The following KDM3A variants were observed in gnomAD, a reference collection of about 807,000 sequenced individuals.
The protein encoded by KDM3A is lysine-specific demethylase 3A.
In KDM3A, 60 loss-of-function variants were observed where a neutral mutation model predicts 158.0. That is an observed-to-expected ratio of 0.38 (90% CI 0.31 to 0.47). The LOEUF is 0.47. KDM3A is among the 20% of genes least tolerant of loss of function. The pLI is 0.99. For synonymous variants in KDM3A, 608 were observed against 549.3 expected, an observed-to-expected ratio of 1.11 and a Z score of -1.49; for missense variants, 1,319 against 1,574.3, an observed-to-expected ratio of 0.84 and a Z score of 2.74.
intron 5 of KDM3A, among the ~76,000 whole-genome samples, chr2:86,455,969 AAAAAG>A (rs1271402134): frequency 5.1e-4 from 77 of 151,560 alleles, no homozygotes; most frequent in African/African-American, 1.7e-3. Flanking sequence ...AAAAAAAAAA[AAAAAG>A]AAAAGAAAAA....
In KDM3A at chr2:86,489,510, C is replaced by T. The variant is rs750901859; in HGVS notation, c.3434-10C>T. 4 of 1,611,338 alleles carry T rather than the reference C, an allele frequency of 2.5e-6. No individual in the cohort carries two copies. The highest frequency in any genetic ancestry group is 1.1e-5 in the South Asian group (1 of 90,850). On this transcript the variant is annotated splice_polypyrimidine_tract_variant and intron_variant, in intron 22 of 25. Transcript: ENST00000312912. ...TGTGGTCTGATATCTGCTTTCTCTT[C>T]TTGCTCTAGAAGTCCTTAAGACCAT...
intron 5 of KDM3A, 135 bp downstream of exon 5, chr2:86,455,322 T>C (rs1672644625): frequency 6.9e-6 from 4 of 581,266 alleles, no homozygotes; most frequent in Non-Finnish European, 1.2e-5. Flanking sequence ...GACAGTCTAG[T>C]TCCTAGGCTG....
At position 86,474,701 on chromosome 2, in the gene KDM3A, T is replaced by G. The variant is rs187269058; in HGVS notation, c.1725-75T>G. On this transcript the variant is annotated intron_variant, in intron 11 of 25. Transcript: ENST00000312912. The stretch of plus-strand genomic sequence containing the variant: ...AAAGTAATTACAAGTTGTAAATAAG[T>G]TGTGTGTGTGTGTGTGTGTGTGTGT... 1.2e-4 allele frequency: 50 copies of G among 429,130 alleles called. No individual in the cohort carries two copies. In the East Asian group the frequency reaches 1.4e-3, roughly 12 times the overall value. 26.6% of individuals were successfully genotyped at this position (429,130 alleles called of 1,614,324 possible).
chr2:86,444,555 A>C (rs1362597809), intron 2 of KDM3A, among the ~76,000 whole-genome samples: 1 of 151,766 alleles, frequency 6.6e-6, no homozygotes, highest in Non-Finnish European at 1.5e-5. Context: ...CCTGGGCTCA[A>C]AACACCAAAA....
Position 86,442,185 on chromosome 2 carries a change from G to C in KDM3A, c.138G>C (p.Gly46=), listed in dbSNP as rs201831015. The C allele has an allele frequency of 3.7e-6, 6 of 1,613,812 alleles. No homozygotes were observed. The highest frequency in any genetic ancestry group is 5.1e-6 in the Non-Finnish European group (6 of 1,179,874). Residue 46 remains glycine, a synonymous_variant, in exon 2 of 26, where the codon GGG becomes GGC. Transcript: ENST00000312912. ...TCGCCGAGTGGCCCTGGCTCTCCGG[G>C]ACCATTCGAGCTGTTTCCCACACCG... ...ERVAEWPWLS[G]TIRAVSHTDV... is the part of the protein sequence containing the mutation.
At chr2:86,458,924 T>C (rs1672815316) in intron 8 of KDM3A, among the ~76,000 whole-genome samples, 1 of 152,010 alleles carries the variant, frequency 6.6e-6, no homozygotes, top group Admixed American at 6.6e-5. Context: ...GTTAGTTGTA[T>C]TGCACATCAT....
intron 8 of KDM3A, among the ~76,000 whole-genome samples, chr2:86,457,926 C>T (rs1672774305): frequency 6.6e-6 from 1 of 152,106 alleles, no homozygotes; most frequent in African/African-American, 2.4e-5. Flanking sequence ...GACTATTTCT[C>T]TTTTAGGTGA....
intron 10 of KDM3A, among the ~76,000 whole-genome samples, chr2:86,469,816 A>G (rs1168100869): frequency 6.6e-6 from 1 of 152,220 alleles, no homozygotes; most frequent in East Asian, 1.9e-4. Context: ...AAGTGACAGA[A>G]TGGACATCTA....
intron 2 of KDM3A, among the ~76,000 whole-genome samples, chr2:86,448,440 T>C (rs1461234486): frequency 6.6e-6 from 1 of 152,212 alleles, no homozygotes; most frequent in Non-Finnish European, 1.5e-5. Context: ...GATATACAGT[T>C]GTAAGCAAAA....
At position 86,466,622 on chromosome 2, in the gene KDM3A, A is replaced by G. The variant is rs1199380722; in HGVS notation, c.1258A>G (p.Thr420Ala). The G allele has an allele frequency of 6.2e-7, 1 of 1,613,972 alleles. No individual in the cohort carries two copies. Among genetic ancestry groups the G allele is most frequent in the Admixed American group, 1.7e-5 (1 of 59,982 alleles). ...LTGLPKECLP[T>A]KASSKAELEI... Reference sequence around the variant, plus strand: ...TGGCCTTCCTAAGGAGTGCTTACCTACAAAGGCTTCTTCTAAGGCAGAATT... The same window carrying G: ...TGGCCTTCCTAAGGAGTGCTTACCTGCAAAGGCTTCTTCTAAGGCAGAATT... Residue 420 changes from threonine (T) to alanine (A), a missense_variant, in exon 10 of 26, where the codon ACA becomes GCA. Thr to Ala is a moderately conservative substitution (Grantham distance 58). Coordinates refer to ENST00000312912, the MANE Select transcript of KDM3A (RefSeq NM_018433.6).
chr2:86,492,071 T>TG lies in KDM3A; in HGVS notation c.3919dup (p.Ala1307GlyfsTer9). ...ATGTTATCTACCATGCAGTGAAAGATGCAGTTGCTATGCTGAAAGCCAGTG... is the reference window on the plus strand; with the variant it reads ...ATGTTATCTACCATGCAGTGAAAGATGGCAGTTGCTATGCTGAAAGCCAGTG... On this transcript the variant is annotated frameshift_variant, in exon 26 of 26. Coordinates refer to ENST00000312912, the MANE Select transcript of KDM3A (RefSeq NM_018433.6). LOFTEE classifies it high-confidence loss of function. 6.2e-7 allele frequency: 1 copy of TG among 1,613,616 alleles called. No homozygotes were observed. The highest frequency in any genetic ancestry group is 8.5e-7 in the Non-Finnish European group (1 of 1,179,634).
intron 10 of KDM3A, among the ~76,000 whole-genome samples, chr2:86,469,418 A>C (rs974460292): frequency 4.6e-5 from 7 of 152,176 alleles, no homozygotes; most frequent in African/African-American, 1.4e-4. Flanking sequence ...AATACTCCTT[A>C]AGGCTCTTGA....
At chr2:86,482,820 C>T in intron 18 of KDM3A, 126 bp downstream of exon 18, 1 of 869,148 alleles carries the variant, frequency 1.2e-6, no homozygotes, top group Admixed American at 2.2e-5. Flanking sequence ...TTTATTGTTT[C>T]AGGTGAATAT....
intron 21 of KDM3A, 121 bp from the exon 22 acceptor site, chr2:86,489,197 C>G (rs1031504169): frequency 2.8e-5 from 32 of 1,153,646 alleles, no homozygotes; most frequent in Middle Eastern, 3.0e-4. Flanking sequence ...TAATTTGATC[C>G]AGAATTTTTA....
In KDM3A at chr2:86,457,032, T is replaced by C; in HGVS notation, c.804T>C (p.Asn268=). ...GAVKRKSSEN[N]GTLVSKQAKS... is the part of the protein sequence containing the mutation. Reference sequence around the variant, plus strand: ...TAAAACGCAAGTCTTCTGAGAATAATGGAACCCTGGTTTCCAAACAAGCAA... The same window carrying C: ...TAAAACGCAAGTCTTCTGAGAATAACGGAACCCTGGTTTCCAAACAAGCAA... The change falls in exon 8 of 26, where the codon AAT becomes AAC. Residue 268 remains asparagine (N), a synonymous_variant. Transcript: ENST00000312912. 1.3e-6 allele frequency: 2 copies of C among 1,597,388 alleles called. No individual in the cohort carries two copies. The highest frequency in any genetic ancestry group is 1.7e-6 in the Non-Finnish European group (2 of 1,169,730).
intron 8 of KDM3A, among the ~76,000 whole-genome samples, chr2:86,460,454 C>T (rs568845207): frequency 6.6e-6 from 1 of 152,250 alleles, no homozygotes; most frequent in South Asian, 2.1e-4. Flanking sequence ...AAGGTGAGTA[C>T]AGTAATGCAC....
At chr2:86,443,596 A>T (rs1682834083) in intron 2 of KDM3A, 1 of 152,216 alleles carries the variant, frequency 6.6e-6, no homozygotes, top group Non-Finnish European at 1.5e-5. Context: ...GACGTTAAGC[A>T]TCTTGCCAAG....
At chr2:86,466,279 C>T (rs948412013) in intron 9 of KDM3A, 93 bp from the exon 10 acceptor site, 14 of 1,301,052 alleles carry the variant, frequency 1.1e-5, no homozygotes, top group East Asian at 7.0e-5. Flanking sequence ...CTTTCATACT[C>T]GTTACCTTAG....
rs754268475 is a variant in KDM3A, at chr2:86,478,012, G to A, written c.2075G>A (p.Arg692Lys). 24 of 1,614,048 alleles carry A rather than the reference G, an allele frequency of 1.5e-5. No individual in the cohort carries two copies. In the Admixed American group the frequency reaches 1.5e-4, roughly 10 times the overall value. The change falls in exon 13 of 26, where the codon AGA becomes AAA. Residue 692 changes from arginine to lysine, a missense_variant. Physicochemically the swap from Arg to Lys is conservative, Grantham distance 26. This residue lies in a region of KDM3A where 368 missense variants were observed against 415.8 expected (regional missense o/e 0.89). Transcript: ENST00000312912. Reference protein sequence around the residue: ...GVCVDCYRMKRKNCQQGAAYK... With the variant: ...GVCVDCYRMKKKNCQQGAAYK... ...TGTGTGGACTGCTACCGGATGAAGA[G>A]AAAGAATTGCCAACAGGGTGAGAAC...
Sources: gnomAD v4.1 joint callset for allele counts (sites outside exome capture counted in the v4.1 genomes callset) on GRCh38, gnomAD v4.1.1 for gene constraint, gnomAD v4.1.1 regional missense constraint, MANE v1.5 for transcripts, NCBI Gene and HGNC (gene_info 2026-07-23, HGNC 2026-07-21) for gene names.